EIF4B: variants seen among roughly 807,000 people sequenced by gnomAD.
EIF4B encodes the protein eukaryotic translation initiation factor 4B.
EIF4B carries 8 observed loss-of-function variants against 79.3 expected under a neutral mutation model. The observed-to-expected ratio is 0.10, with a 90% CI of 0.06 to 0.18. EIF4B has a LOEUF of 0.18. Ranked by LOEUF, EIF4B falls within the 10% of genes least tolerant of loss-of-function variation. EIF4B has a pLI of 1.00. For synonymous variants in EIF4B, 238 were observed against 274.7 expected, an observed-to-expected ratio of 0.87 and a Z score of 1.32; for missense variants, 515 against 792.4, an observed-to-expected ratio of 0.65 and a Z score of 4.20.
intron 5 of EIF4B, 108 bp from the exon 6 acceptor site, chr12:53,022,374 GGATGACAGTGT>G: frequency 2.1e-6 from 3 of 1,418,266 alleles, no homozygotes; most frequent in Non-Finnish European, 3.0e-6. Flanking sequence ...GAGGTAACTG[GGATGACAGTGT>G]GACGTGAAAG....
chr12:53,040,237 G>A lies in EIF4B; in HGVS notation c.*14G>A, dbSNP rs1943610742. ...TATGCCGAATAGACCTCTACATCCTGTGCTTTTCTCCTAGTTTCTCTCCAC... is the reference window on the plus strand; with the variant it reads ...TATGCCGAATAGACCTCTACATCCTATGCTTTTCTCCTAGTTTCTCTCCAC... On this transcript the variant is annotated 3_prime_UTR_variant, in exon 15 of 15. Transcript: ENST00000262056. 2 of 1,606,338 alleles carry A rather than the reference G, an allele frequency of 1.2e-6. No homozygotes were observed. The highest frequency in any genetic ancestry group is 1.7e-6 in the Non-Finnish European group (2 of 1,173,646).
At chr12:53,019,058 A>ATT (rs1482210376) in intron 3 of EIF4B, 52 bp downstream of exon 3, 1 of 1,579,512 alleles carries the variant, frequency 6.3e-7, no homozygotes, top group East Asian at 2.3e-5. Flanking sequence ...AATGTCTAAA[A>ATT]AAGACTAATT....
chr12:53,039,624 C>T lies in EIF4B; in HGVS notation c.1683-6C>T. On this transcript the variant is annotated splice_polypyrimidine_tract_variant and splice_region_variant and intron_variant, in intron 13 of 14. Transcript: ENST00000262056. ...AAGACATGGTTTTATGCTTACGTCT[C>T]TGCAGGAAAGATGGCAAAAAGGATC... 6.2e-7 allele frequency: 1 copy of T among 1,613,704 alleles called. No individual in the cohort carries two copies. Among genetic ancestry groups the T allele is most frequent in the Non-Finnish European group, 8.5e-7 (1 of 1,179,744 alleles).
intron 3 of EIF4B, among the ~76,000 whole-genome samples, chr12:53,019,603 G>A (rs968845828): frequency 6.7e-6 from 1 of 149,938 alleles, no homozygotes; most frequent in African/African-American, 2.4e-5. Flanking sequence ...TGACCTCAGA[G>A]GATCCACCTG....
chr12:53,034,716 C>G lies in EIF4B; in HGVS notation c.1306+7C>G. On this transcript the variant is annotated splice_region_variant and intron_variant, in intron 10 of 14. Coordinates refer to ENST00000262056, the MANE Select transcript of EIF4B (RefSeq NM_001417.7). ...TCCACCACATCTAGCAGAAGTAAGT[C>G]AGACCAGGGTGGGTATCGTGTTATT... The G allele has an allele frequency of 6.2e-7, 1 of 1,614,026 alleles. No homozygotes were observed. The highest frequency in any genetic ancestry group is 8.5e-7 in the Non-Finnish European group (1 of 1,179,908).
At chr12:53,027,113 G>C (rs1943346785) in intron 6 of EIF4B, among the ~76,000 whole-genome samples, 3 of 48,618 alleles carry the variant, frequency 6.2e-5, no homozygotes, top group African/African-American at 1.5e-4. Flanking sequence ...AGCAGAGAGA[G>C]ACTGTCTCTC....
At chr12:53,023,077 C>T (rs755886260) in intron 6 of EIF4B, among the ~76,000 whole-genome samples, 1 of 152,048 alleles carries the variant, frequency 6.6e-6, no homozygotes, top group Admixed American at 6.6e-5. Context: ...CAAGAGGACT[C>T]CTTGAGCCCA....
intron 8 of EIF4B, among the ~76,000 whole-genome samples, chr12:53,032,288 A>T (rs1469075748): frequency 6.6e-6 from 1 of 152,170 alleles, no homozygotes; most frequent in Non-Finnish European, 1.5e-5. Flanking sequence ...CTAAAAATAC[A>T]AAAATTAGTT....
intron 8 of EIF4B, among the ~76,000 whole-genome samples, chr12:53,029,919 G>A (rs911996830): frequency 1.9e-5 from 1 of 51,454 alleles, no homozygotes; most frequent in East Asian, 5.7e-4. Flanking sequence ...TTCAATGTTT[G>A]TTTTTTTTAA....
At chr12:53,010,030 A>G (rs1943037913) in intron 1 of EIF4B, among the ~76,000 whole-genome samples, 1 of 152,208 alleles carries the variant, frequency 6.6e-6, no homozygotes, top group South Asian at 2.1e-4. Flanking sequence ...AGATACTGCT[A>G]TGGTCCTGAT....
intron 6 of EIF4B, among the ~76,000 whole-genome samples, chr12:53,024,791 G>T (rs73301519): frequency 0.083 from 12,650 of 152,088 alleles, 845 homozygotes; most frequent in African/African-American, 0.18. Flanking sequence ...GAGTAGCTGG[G>T]ATTACAGATG....
chr12:53,011,152 A>C (rs1336459138), intron 1 of EIF4B, among the ~76,000 whole-genome samples: 25 of 152,118 alleles, frequency 1.6e-4, no homozygotes, highest in Admixed American at 1.6e-3. Flanking sequence ...CTGTGGTCCC[A>C]GCTACTTGGG....
At position 53,040,113 on chromosome 12, in the gene EIF4B, C is replaced by T. The variant is rs770359103; in HGVS notation, c.1756-30C>T. The T allele has an allele frequency of 2.7e-5, 44 of 1,611,490 alleles. No homozygotes were observed. The South Asian group carries it at 4.2e-4, about 15-fold the overall frequency. On this transcript the variant is annotated intron_variant, in intron 14 of 14. Coordinates refer to ENST00000262056, the MANE Select transcript of EIF4B (RefSeq NM_001417.7). ...TTTTGATGTGATAATTCAGGGCCTT[C>T]ATTATCCTGTCACTCTCGTTGTGTT...
rs998367947 is a variant in EIF4B, at chr12:53,020,044, G to A, written c.477+18G>A. The A allele has an allele frequency of 1.9e-6, 3 of 1,569,602 alleles. No individual in the cohort carries two copies. The highest frequency in any genetic ancestry group is 8.7e-7 in the Non-Finnish European group (1 of 1,155,306). On this transcript the variant is annotated intron_variant, in intron 4 of 14. Coordinates refer to ENST00000262056, the MANE Select transcript of EIF4B (RefSeq NM_001417.7). ...ATGAAGAGGTAAAGAAAATAAGAGT[G>A]GGGATATGAGGGGTGTAAGTTCACA...
Position 53,022,537 on chromosome 12 carries a change from G to A in EIF4B, c.577G>A (p.Asp193Asn), listed in dbSNP as rs1268146193. 3 of 1,613,410 alleles carry A rather than the reference G, an allele frequency of 1.9e-6. No individual in the cohort carries two copies. The highest frequency in any genetic ancestry group is 1.7e-6 in the Non-Finnish European group (2 of 1,179,874). ...SFGRDRNRDSDKTDTDWRARP... is the reference protein window; with the variant it reads ...SFGRDRNRDSNKTDTDWRARP... The stretch of plus-strand genomic sequence containing the variant: ...TGGCCGTGATAGAAATCGGGATTCT[G>A]ACAAAACAGATACAGACTGGAGGGC... The change falls in exon 6 of 15, where the codon GAC (aspartate) becomes AAC (asparagine). Residue 193 changes from aspartate to asparagine, a missense_variant. Coordinates refer to ENST00000262056, the MANE Select transcript of EIF4B (RefSeq NM_001417.7).
At chr12:53,019,044 G>A in intron 3 of EIF4B, 38 bp downstream of exon 3, 1 of 1,594,352 alleles carries the variant, frequency 6.3e-7, no homozygotes, top group Non-Finnish European at 8.6e-7. Context: ...TAGATATTGA[G>A]GATAATGTCT....
intron 1 of EIF4B, among the ~76,000 whole-genome samples, chr12:53,008,357 C>A (rs577472181): frequency 6.6e-6 from 1 of 152,208 alleles, no homozygotes; most frequent in South Asian, 2.1e-4. Context: ...TAATTCACTT[C>A]AGTAAATCTT....
intron 2 of EIF4B, 90 bp from the exon 3 acceptor site, chr12:53,018,708 A>C: frequency 6.8e-7 from 1 of 1,471,344 alleles, no homozygotes; most frequent in Non-Finnish European, 9.4e-7. Context: ...TAGCATGTTT[A>C]ATATTTGGCA....
chr12:53,027,977 C>G (rs184920878), intron 7 of EIF4B, 38 bp from the exon 8 acceptor site: 18 of 1,606,242 alleles, frequency 1.1e-5, no homozygotes, highest in African/African-American at 1.1e-4. Flanking sequence ...TTTTTTCCCC[C>G]TCCGCTGTGA....
Sources: allele counts gnomAD v4.1 joint callset (sites outside exome capture counted in the v4.1 genomes callset), GRCh38; gene constraint gnomAD v4.1.1; transcripts MANE v1.5; gene names NCBI Gene and HGNC (gene_info 2026-07-23, HGNC 2026-07-21).